Variants in THEMIS observed in about 807,000 individuals in gnomAD.
THEMIS encodes protein THEMIS.
THEMIS carries 37 observed loss-of-function variants against 52.6 expected under a neutral mutation model. The observed-to-expected ratio is 0.70, with a 90% confidence interval of 0.54 to 0.93. The LOEUF (loss-of-function observed/expected upper bound fraction) is 0.93. THEMIS is among the 40% of genes least tolerant of loss of function. THEMIS has a pLI of 0.00. For synonymous variants in THEMIS, 292 were observed against 272.7 expected, an observed-to-expected ratio of 1.07 and a Z score of -0.70; for missense variants, 808 against 763.1, an observed-to-expected ratio of 1.06 and a Z score of -0.69.
chr6:127,909,251 G>C (rs763802359), intron 1 of THEMIS, among the ~76,000 whole-genome samples: 1 of 151,952 alleles, frequency 6.6e-6, no homozygotes, highest in South Asian at 2.1e-4. Flanking sequence ...AGACTGAGTC[G>C]GGGAAGTTAC....
intron 4 of THEMIS, among the ~76,000 whole-genome samples, chr6:127,762,138 T>A (rs1209528757): frequency 6.6e-6 from 1 of 152,102 alleles, no homozygotes. Flanking sequence ...ATTATGCTAA[T>A]TGAAATATGC....
chr6:127,870,992 T>G (rs1376360761), intron 1 of THEMIS, among the ~76,000 whole-genome samples: 1 of 152,100 alleles, frequency 6.6e-6, no homozygotes, highest in Admixed American at 6.5e-5. Context: ...AACAACATAA[T>G]CAAATCTTCC....
At chr6:127,898,743 T>A (rs1781046315) in intron 1 of THEMIS, among the ~76,000 whole-genome samples, 1 of 151,780 alleles carries the variant, frequency 6.6e-6, no homozygotes, top group Admixed American at 6.6e-5. Flanking sequence ...TAAATGTCCA[T>A]CAACAGATGA....
intron 1 of THEMIS, among the ~76,000 whole-genome samples, chr6:127,914,835 A>C (rs964237316): frequency 6.6e-6 from 1 of 152,174 alleles, no homozygotes; most frequent in Non-Finnish European, 1.5e-5. Flanking sequence ...AATCTTCATA[A>C]AGTTCTATTT....
At position 127,813,751 on chromosome 6, in the gene THEMIS, G is replaced by A; in HGVS notation, c.890C>T (p.Pro297Leu). 2.5e-6 allele frequency: 4 copies of A among 1,613,850 alleles called. No individual in the cohort carries two copies. Among genetic ancestry groups the A allele is most frequent in the Non-Finnish European group, 3.4e-6 (4 of 1,179,926 alleles). Residue 297 changes from proline to leucine, a missense_variant, in exon 4 of 6, where the codon CCC becomes CTC. Coordinates refer to ENST00000368248, the MANE Select transcript of THEMIS (RefSeq NM_001010923.3). ...TTTCCCAGGCTGTAAAATGCTTTGG[G>A]GCAGGTGGTTTCCTTCAGGTGCTTC... ...VIEAPEGNHLPQSILQPGKTI... is the reference protein window; with the variant it reads ...VIEAPEGNHLLQSILQPGKTI...
At chr6:127,821,720 C>A (rs953861291) in intron 3 of THEMIS, among the ~76,000 whole-genome samples, 1 of 151,932 alleles carries the variant, frequency 6.6e-6, no homozygotes, top group African/African-American at 2.4e-5. Context: ...TAGGGGACAC[C>A]ACTAAAATTG....
rs1276411018 is a variant in THEMIS, at chr6:127,900,179, T to G, written c.91+663A>C. Reference sequence around the variant, plus strand: ...CATGTAAAGATTCTAGGTTGTATATTGGAGGTTATAATGTTCTTTCACCTG... The same window carrying G: ...CATGTAAAGATTCTAGGTTGTATATGGGAGGTTATAATGTTCTTTCACCTG... On this transcript the variant is annotated intron_variant, in intron 1 of 5. Coordinates refer to ENST00000368248, the MANE Select transcript of THEMIS (RefSeq NM_001010923.3). Among the ~76,000 whole-genome samples, 8 of 151,964 alleles carry G rather than the reference T, an allele frequency of 5.3e-5. No homozygotes were observed. In the East Asian group the frequency reaches 1.6e-3, roughly 30 times the overall value.
intron 2 of THEMIS, among the ~76,000 whole-genome samples, chr6:127,843,143 A>G (rs1331714966): frequency 6.6e-6 from 1 of 152,050 alleles, no homozygotes; most frequent in Non-Finnish European, 1.5e-5. Context: ...TCTAACATTC[A>G]TCTAAAAATT....
rs766802242 is a variant in THEMIS, at chr6:127,765,600, C to T, written c.1759-45777G>A. On this transcript the variant is annotated intron_variant, in intron 4 of 5. Coordinates refer to ENST00000368248, the MANE Select transcript of THEMIS (RefSeq NM_001010923.3). ...TACAGTCATGTGCCACATTACATTT[C>T]AGTCAAAGAACCACACATACAATGG... 7.2e-5 allele frequency among the ~76,000 whole-genome samples: 11 copies of T among 152,172 alleles called. No homozygotes were observed. In the South Asian group the frequency reaches 2.3e-3, roughly 32 times the overall value.
At chr6:127,820,813 GA>G (rs1458626288) in intron 3 of THEMIS, among the ~76,000 whole-genome samples, 4 of 150,222 alleles carry the variant, frequency 2.7e-5, no homozygotes, top group African/African-American at 9.7e-5. Context: ...CTATTCTGTT[GA>G]TTTTTTTATA....
intron 4 of THEMIS, among the ~76,000 whole-genome samples, chr6:127,733,523 A>T (rs959572375): frequency 6.6e-6 from 1 of 152,160 alleles, no homozygotes; most frequent in Non-Finnish European, 1.5e-5. Context: ...CCTCAGAGAC[A>T]CTCAGTCTCT....
intron 1 of THEMIS, among the ~76,000 whole-genome samples, chr6:127,864,030 C>G (rs1272616150): frequency 3.3e-5 from 5 of 152,066 alleles, no homozygotes; most frequent in Non-Finnish European, 4.4e-5. Context: ...AAGTTTTAGT[C>G]ATTGTTTAGC....
At chr6:127,721,468 T>G (rs1330238282) in intron 4 of THEMIS, among the ~76,000 whole-genome samples, 1 of 152,052 alleles carries the variant, frequency 6.6e-6, no homozygotes, top group Non-Finnish European at 1.5e-5. Flanking sequence ...TTACATTGCT[T>G]ATGCAGATAA....
chr6:127,906,739 A>G (rs1379307169), intron 1 of THEMIS, among the ~76,000 whole-genome samples: 2 of 151,986 alleles, frequency 1.3e-5, no homozygotes, highest in African/African-American at 4.8e-5. Context: ...AATTTCTGCT[A>G]AAGAACAGAG....
At chr6:127,718,422 CTGTA>C in intron 5 of THEMIS, among the ~76,000 whole-genome samples, 1 of 151,964 alleles carries the variant, frequency 6.6e-6, no homozygotes, top group East Asian at 2.0e-4. Context: ...CTGCTCTGGT[CTGTA>C]ACATACGCTG....
chr6:127,895,390 A>G (rs1780933715), intron 1 of THEMIS, among the ~76,000 whole-genome samples: 1 of 151,596 alleles, frequency 6.6e-6, no homozygotes, highest in Non-Finnish European at 1.5e-5. Context: ...TGTCTATTTA[A>G]GAAAACCAGT....
At chr6:127,909,568 C>G (rs1781360070) in intron 1 of THEMIS, among the ~76,000 whole-genome samples, 1 of 152,108 alleles carries the variant, frequency 6.6e-6, no homozygotes, top group Non-Finnish European at 1.5e-5. Flanking sequence ...TCAATTAAAC[C>G]TCTTTCCTTT....
In THEMIS at chr6:127,709,788, G is replaced by C. The variant is rs1228691113; in HGVS notation, c.*197C>G. 9.4e-6 allele frequency: 5 copies of C among 534,382 alleles called. No homozygotes were observed. Among genetic ancestry groups the C allele is most frequent in the Non-Finnish European group, 1.6e-5 (5 of 307,330 alleles). The allele number at this position is 534,382 out of a possible 1,614,324, so 33.1% of individuals were successfully genotyped here. ...CTACAGATTTAGACACAACAGAATA[G>C]ACTATATGAATTCTATATCATAGGT... is the stretch of plus-strand genomic sequence containing the variant. On this transcript the variant is annotated 3_prime_UTR_variant, in exon 6 of 6. Coordinates refer to ENST00000368248, the MANE Select transcript of THEMIS (RefSeq NM_001010923.3).
rs62426466 is a variant in THEMIS, at chr6:127,865,594, G to T, written c.92-10406C>A. 7.6e-3 allele frequency among the ~76,000 whole-genome samples: 1,155 copies of T among 152,150 alleles called. 9 individuals are homozygous for T. Among genetic ancestry groups the T allele is most frequent in the Non-Finnish European group, 0.01 (700 of 67,976 alleles). ...TCTACAGAGGTATACAGCTTATACT[G>T]CCTTGTAGAAAATTAATAGAAATGT... is the stretch of plus-strand genomic sequence containing the variant. On this transcript the variant is annotated intron_variant, in intron 1 of 5. Coordinates refer to ENST00000368248, the MANE Select transcript of THEMIS (RefSeq NM_001010923.3).
Sources: gnomAD v4.1 joint callset for allele counts (sites outside exome capture counted in the v4.1 genomes callset) on GRCh38, gnomAD v4.1.1 for gene constraint, MANE v1.5 for transcripts, NCBI Gene and HGNC (gene_info 2026-07-23, HGNC 2026-07-21) for gene names.